Variants in PAIP2 observed in about 807,000 individuals in gnomAD.
PAIP2 encodes the protein polyadenylate-binding protein-interacting protein 2.
Under a neutral mutation model 14.8 loss-of-function variants are expected in PAIP2, and 7 were observed. The ratio of observed to expected loss-of-function variants is 0.47; its 90% CI spans 0.27 to 0.89. The LOEUF (loss-of-function observed/expected upper bound fraction) is 0.89. Ranked by LOEUF, PAIP2 falls within the 40% of genes least tolerant of loss-of-function variation. The pLI, the probability that PAIP2 is intolerant of heterozygous loss-of-function variation, is 0.13. For synonymous variants in PAIP2, 47 were observed against 45.3 expected (o/e 1.04, Z -0.15); for missense variants, 122 against 154.7 (o/e 0.79, Z 1.12).
At chr5:139,368,619 A>G in intron 3 of PAIP2, 114 bp from the exon 4 acceptor site, 1 of 716,516 alleles carries the variant, frequency 1.4e-6, no homozygotes, top group South Asian at 1.7e-5. Context: ...AGTCTTACAG[A>G]CTGAGTTCTT....
At chr5:139,346,337 G>A (rs1756548166) in intron 1 of PAIP2, among the ~76,000 whole-genome samples, 1 of 152,162 alleles carries the variant, frequency 6.6e-6, no homozygotes, top group Non-Finnish European at 1.5e-5. Flanking sequence ...CGCCTCCCAG[G>A]TTCCAGTGAT....
intron 1 of PAIP2, chr5:139,342,530 G>A (rs1165964695): frequency 1.3e-5 from 2 of 152,170 alleles, no homozygotes; most frequent in African/African-American, 4.8e-5. Context: ...CTGATCAGAA[G>A]ATCGTCTTTC....
intron 1 of PAIP2, among the ~76,000 whole-genome samples, chr5:139,350,256 G>C (rs147716997): frequency 1.9e-3 from 292 of 152,106 alleles, no homozygotes; most frequent in African/African-American, 6.8e-3. Flanking sequence ...TGTAGTAGAG[G>C]ACTTGGATAA....
chr5:139,364,468 C>A (rs1757158708), intron 2 of PAIP2, 96 bp from the exon 3 acceptor site: 2 of 670,366 alleles, frequency 3.0e-6, no homozygotes, highest in Non-Finnish European at 4.9e-6. Flanking sequence ...GAAAGTATGA[C>A]TTTGTGCCTT....
At chr5:139,346,745 G>A (rs1348766940) in intron 1 of PAIP2, among the ~76,000 whole-genome samples, 1 of 151,836 alleles carries the variant, frequency 6.6e-6, no homozygotes, top group Non-Finnish European at 1.5e-5. Context: ...GGCCAGGATG[G>A]CCTCAATCTC....
chr5:139,368,935 C>A lies in PAIP2; in HGVS notation c.*137C>A. On this transcript the variant is annotated 3_prime_UTR_variant, in exon 4 of 4. Transcript: ENST00000265192. ...CCAAAGTTTTTGTTAGTCTTGCATG[C>A]TTAATAAAAGTGCTGAGACTGTTAC... 1.6e-6 allele frequency: 1 copy of A among 620,222 alleles called. No homozygotes were observed. The highest frequency in any genetic ancestry group is 2.9e-6 in the Non-Finnish European group (1 of 347,660). 38.4% of individuals were successfully genotyped at this position (620,222 alleles called of 1,614,324 possible).
intron 3 of PAIP2, chr5:139,365,175 A>G (rs1394633740): frequency 7.7e-6 from 1 of 130,080 alleles, no homozygotes; most frequent in Non-Finnish European, 1.7e-5. Context: ...ATAAATAAAT[A>G]AATAAATAGA....
intron 1 of PAIP2, among the ~76,000 whole-genome samples, chr5:139,350,781 C>T (rs1049986352): frequency 1.3e-5 from 2 of 151,830 alleles, no homozygotes; most frequent in Admixed American, 6.6e-5. Context: ...AAGGTTTGTG[C>T]TCCTTGTCCT....
At position 139,363,816 on chromosome 5, in the gene PAIP2, C is replaced by T; in HGVS notation, c.32C>T (p.Pro11Leu). ...GATCCAAGTCGCAGCAGTACTAGCC[C>T]AAGCATCATCAATGAAGATGTGATT... is the stretch of plus-strand genomic sequence containing the variant. MKDPSRSSTS[P>L]SIINEDVIIN... is the part of the protein sequence containing the mutation. The change falls in exon 2 of 4, where the codon CCA (proline) becomes CTA (leucine). Residue 11 changes from proline to leucine, a missense_variant. Physicochemically the swap from Pro to Leu is moderately conservative, Grantham distance 98. Coordinates refer to ENST00000265192, the MANE Select transcript of PAIP2 (RefSeq NM_016480.5). The T allele has an allele frequency of 6.2e-7, 1 of 1,614,078 alleles. No individual in the cohort carries two copies. Among genetic ancestry groups the T allele is most frequent in the South Asian group, 1.1e-5 (1 of 91,076 alleles).
At chr5:139,343,304 A>G (rs1756438096) in intron 1 of PAIP2, 1 of 152,228 alleles carries the variant, frequency 6.6e-6, no homozygotes, top group Non-Finnish European at 1.5e-5. Flanking sequence ...GACAAGAACT[A>G]TAGAACCCAC....
chr5:139,363,783 C>T lies in PAIP2; in HGVS notation c.-2C>T, dbSNP rs1469132950. 1 of 1,613,430 alleles carries T rather than the reference C, an allele frequency of 6.2e-7. No homozygotes were observed. The highest frequency in any genetic ancestry group is 1.1e-5 in the South Asian group (1 of 90,916). On this transcript the variant is annotated 5_prime_UTR_variant, in exon 2 of 4. Coordinates refer to ENST00000265192, the MANE Select transcript of PAIP2 (RefSeq NM_016480.5). ...GGTTAAAAACGACAACCAACATCAGCCATGAAAGATCCAAGTCGCAGCAGT... is the reference window on the plus strand; with the variant it reads ...GGTTAAAAACGACAACCAACATCAGTCATGAAAGATCCAAGTCGCAGCAGT...
intron 1 of PAIP2, among the ~76,000 whole-genome samples, chr5:139,352,617 A>G (rs986588466): frequency 1.3e-5 from 2 of 150,296 alleles, no homozygotes; most frequent in Non-Finnish European, 3.0e-5. Context: ...GATTACAGGC[A>G]TGTGCCACCA....
chr5:139,369,567 A>C lies in PAIP2; in HGVS notation c.*769A>C, dbSNP rs1757524814. ...AGAGTCTGCAGCACAACTTTTAACA[A>C]AGCTAGAACAGTTTTGGCTTCTTAA... On this transcript the variant is annotated 3_prime_UTR_variant, in exon 4 of 4. Transcript: ENST00000265192. 1 of 152,660 alleles carries C rather than the reference A, an allele frequency of 6.6e-6. No individual in the cohort carries two copies. The highest frequency in any genetic ancestry group is 2.1e-4 in the South Asian group (1 of 4,828). The allele number at this position is 152,660 out of a possible 1,614,324, so 9.5% of individuals were successfully genotyped here.
intron 1 of PAIP2, among the ~76,000 whole-genome samples, chr5:139,348,859 G>T (rs1204812234): frequency 6.6e-6 from 1 of 151,112 alleles, no homozygotes; most frequent in Non-Finnish European, 1.5e-5. Flanking sequence ...TGTATTTTTA[G>T]TAGAGACGGT....
intron 3 of PAIP2, among the ~76,000 whole-genome samples, chr5:139,366,431 T>C (rs1364825208): frequency 2.6e-5 from 4 of 152,174 alleles, no homozygotes; most frequent in Non-Finnish European, 5.9e-5. Context: ...CCAACTTGCC[T>C]GAGTCGGTCA....
intron 1 of PAIP2, among the ~76,000 whole-genome samples, chr5:139,349,006 A>G (rs1451711059): frequency 1.3e-5 from 2 of 152,172 alleles, no homozygotes. Context: ...ATATAAATGG[A>G]TGATAATGTG....
intron 1 of PAIP2, among the ~76,000 whole-genome samples, chr5:139,352,710 A>G (rs1756784056): frequency 6.7e-6 from 1 of 149,172 alleles, no homozygotes. Context: ...ACCTCAGGTG[A>G]TCTTCCTGCC....
At chr5:139,363,724 A>G in intron 1 of PAIP2, 35 bp from the exon 2 acceptor site, 2 of 1,580,656 alleles carry the variant, frequency 1.3e-6, no homozygotes, top group South Asian at 1.1e-5. Flanking sequence ...ACCCTGAATG[A>G]GTAAGTAAAT....
At chr5:139,368,531 A>AAAAAG (rs139381490) in intron 3 of PAIP2, among the ~76,000 whole-genome samples, 1 of 152,140 alleles carries the variant, frequency 6.6e-6, no homozygotes, top group East Asian at 1.9e-4. Context: ...TCCGTCACAA[A>AAAAAG]AAAAGAAAAG....
Sources: allele counts gnomAD v4.1 joint callset (sites outside exome capture counted in the v4.1 genomes callset), GRCh38; gene constraint gnomAD v4.1.1; transcripts MANE v1.5; gene names NCBI Gene and HGNC (gene_info 2026-07-23, HGNC 2026-07-21).